FBXO36: variants seen among roughly 807,000 people sequenced by gnomAD.
FBXO36 encodes F-box only protein 36.
Under a neutral mutation model 17.0 loss-of-function variants are expected in FBXO36, and 18 were observed. The ratio of observed to expected loss-of-function variants is 1.06; its 90% CI spans 0.73 to 1.57. The LOEUF is 1.57. Among genes scored for constraint, FBXO36 ranks in the 40% most tolerant of loss-of-function variants. The pLI, the probability that FBXO36 is intolerant of heterozygous loss-of-function variation, is 0.00. For synonymous variants in FBXO36, 83 were observed against 85.3 expected, an observed-to-expected ratio of 0.97 and a Z score of 0.15; for missense variants, 229 against 221.9, an observed-to-expected ratio of 1.03 and a Z score of -0.20.
At chr2:229,989,600 A>G (rs1475789530) in intron 2 of FBXO36, among the ~76,000 whole-genome samples, 1 of 149,172 alleles carries the variant, frequency 6.7e-6, no homozygotes, top group East Asian at 2.0e-4. Context: ...CTCGCTTTCT[A>G]GCCAAGGCTG....
chr2:229,984,666 C>A (rs530993330), intron 2 of FBXO36, among the ~76,000 whole-genome samples: 23 of 151,872 alleles, frequency 1.5e-4, no homozygotes, highest in Non-Finnish European at 1.5e-5. Context: ...GGGATTACAG[C>A]CGTGAGCCAC....
At chr2:230,001,903 C>T (rs1439930268) in intron 3 of FBXO36, among the ~76,000 whole-genome samples, 4 of 152,112 alleles carry the variant, frequency 2.6e-5, no homozygotes, top group Non-Finnish European at 5.9e-5. Context: ...CTGCAATCTC[C>T]GCCTCCCAGG....
intron 3 of FBXO36, among the ~76,000 whole-genome samples, chr2:230,004,107 T>C (rs1231220774): frequency 6.6e-6 from 1 of 152,240 alleles, no homozygotes; most frequent in Admixed American, 6.5e-5. Flanking sequence ...CTTGCAGCTC[T>C]CTGTGTGCTG....
rs368019009 is a variant in FBXO36 at position 230,001,634 on chromosome 2, T to A, written c.378+4711T>A. Among the ~76,000 whole-genome samples, 8 of 152,262 alleles carry A rather than the reference T, an allele frequency of 5.3e-5. No homozygotes were observed. In the East Asian group the frequency reaches 1.2e-3, roughly 22 times the overall value. On this transcript the variant is annotated intron_variant, in intron 3 of 3. Coordinates refer to ENST00000283946, the MANE Select transcript of FBXO36 (RefSeq NM_174899.5). ...CTACTTTATTAATGAAAAAAAGGCT[T>A]CCTTTTCAAATTCCGGGGGACAAGT... is the stretch of plus-strand genomic sequence containing the variant.
intron 1 of FBXO36, among the ~76,000 whole-genome samples, chr2:229,928,454 C>T (rs2076923697): frequency 6.6e-6 from 1 of 152,158 alleles, no homozygotes; most frequent in African/African-American, 2.4e-5. Context: ...CTACCATGAG[C>T]ATTTATTTTT....
At chr2:229,998,301 A>G (rs530718642) in intron 3 of FBXO36, among the ~76,000 whole-genome samples, 2 of 152,204 alleles carry the variant, frequency 1.3e-5, no homozygotes, top group South Asian at 2.1e-4. Flanking sequence ...GGGAGATTCC[A>G]TCTCCACAGT....
At chr2:229,966,954 C>A (rs1472325994) in intron 1 of FBXO36, among the ~76,000 whole-genome samples, 2 of 152,180 alleles carry the variant, frequency 1.3e-5, no homozygotes, top group East Asian at 3.8e-4. Context: ...GGCATTGAAT[C>A]TATAAATTAC....
At position 230,011,598 on chromosome 2, in the gene FBXO36, C is replaced by CTTTTTTTTTTTTTTTTTTTTTT. The variant is rs5839351; in HGVS notation, c.*731_*732insTTTTTTTTTTTTTTTTTTTTTT. On this transcript the variant is annotated 3_prime_UTR_variant, in exon 4 of 4. Transcript: ENST00000283946. ...AACCTATAAACATTTCTTTTCTTTT[C>CTTTTTTTTTTTTTTTTTTTTTT]TTTTTTTTTTTTTTTTTGTATTTTC... 1.2e-4 allele frequency: 15 copies of CTTTTTTTTTTTTTTTTTTTTTT among 123,438 alleles called. No homozygotes were observed. Among genetic ancestry groups the CTTTTTTTTTTTTTTTTTTTTTT allele is most frequent in the Non-Finnish European group, 1.8e-4 (11 of 61,974 alleles). The allele number at this position is 123,438 out of a possible 1,614,324, so 7.6% of individuals were successfully genotyped here.
chr2:230,002,616 T>TG (rs1205963418), intron 3 of FBXO36, among the ~76,000 whole-genome samples: 1 of 152,172 alleles, frequency 6.6e-6, no homozygotes. Flanking sequence ...ATTTTGGGGC[T>TG]GAAGCAATCC....
intron 1 of FBXO36, among the ~76,000 whole-genome samples, chr2:229,937,369 C>T (rs2076969594): frequency 6.6e-6 from 1 of 152,048 alleles, no homozygotes; most frequent in Non-Finnish European, 1.5e-5. Flanking sequence ...GTGGCAGGCA[C>T]CTGTAATCCC....
chr2:229,948,837 AT>A (rs1441935061), intron 1 of FBXO36, among the ~76,000 whole-genome samples: 1 of 151,860 alleles, frequency 6.6e-6, no homozygotes, highest in Non-Finnish European at 1.5e-5. Context: ...ATTTTATTTT[AT>A]TTTTTATTTT....
chr2:229,955,580 C>G (rs919329276), intron 1 of FBXO36, among the ~76,000 whole-genome samples: 1 of 152,044 alleles, frequency 6.6e-6, no homozygotes, highest in East Asian at 1.9e-4. Flanking sequence ...TCCCTTTTCT[C>G]TCCCTCATCA....
intron 1 of FBXO36, among the ~76,000 whole-genome samples, chr2:229,959,313 A>G (rs1046459516): frequency 5.3e-5 from 8 of 152,118 alleles, no homozygotes; most frequent in East Asian, 1.9e-4. Flanking sequence ...GCCACTGAGC[A>G]TGGCCTCCCT....
intron 3 of FBXO36, among the ~76,000 whole-genome samples, chr2:230,001,445 G>A (rs892431800): frequency 6.6e-6 from 1 of 151,774 alleles, no homozygotes; most frequent in Non-Finnish European, 1.5e-5. Flanking sequence ...CCACCACTGT[G>A]CCTGGCTAAT....
At chr2:230,002,287 T>C (rs2077363265) in intron 3 of FBXO36, among the ~76,000 whole-genome samples, 1 of 152,224 alleles carries the variant, frequency 6.6e-6, no homozygotes, top group Non-Finnish European at 1.5e-5. Context: ...ATTAGTTTTT[T>C]CAATAATGTC....
chr2:229,938,042 G>C (rs1293622272), intron 1 of FBXO36, among the ~76,000 whole-genome samples: 12 of 151,700 alleles, frequency 7.9e-5, no homozygotes, highest in Admixed American at 7.9e-4. Context: ...ATCTTGGCTT[G>C]CTGCAACCTC....
intron 1 of FBXO36, among the ~76,000 whole-genome samples, chr2:229,949,104 A>G (rs1577335599): frequency 6.6e-6 from 1 of 152,136 alleles, no homozygotes; most frequent in South Asian, 2.1e-4. Flanking sequence ...AAGTGCTGGG[A>G]TTACAGGCAT....
chr2:229,963,747 C>T (rs1206410962), intron 1 of FBXO36, among the ~76,000 whole-genome samples: 1 of 152,062 alleles, frequency 6.6e-6, no homozygotes, highest in Non-Finnish European at 1.5e-5. Flanking sequence ...CCCAGCCTAT[C>T]CTTTGTGTTT....
rs551759596 is a variant in FBXO36, at chr2:229,999,495, A to G, written c.378+2572A>G. Among the ~76,000 whole-genome samples the G allele has an allele frequency of 2.7e-5, 4 of 145,810 alleles. No individual in the cohort carries two copies. The South Asian group carries it at 8.5e-4, about 31-fold the overall frequency. ...TGAGAGTGTGTGTGTGTGTATATAT[A>G]TATGTATATATATATATATATGTAT... On this transcript the variant is annotated intron_variant, in intron 3 of 3. Transcript: ENST00000283946.
Sources: allele counts gnomAD v4.1 joint callset (sites outside exome capture counted in the v4.1 genomes callset), GRCh38; gene constraint gnomAD v4.1.1; transcripts MANE v1.5; gene names NCBI Gene and HGNC (gene_info 2026-07-23, HGNC 2026-07-21).